The following PRMT7 variants were observed in gnomAD, a reference collection of about 807,000 sequenced individuals.
The protein encoded by PRMT7 is protein arginine N-methyltransferase 7.
In PRMT7, 75 loss-of-function variants were observed where a neutral mutation model predicts 85.4. The ratio of observed to expected loss-of-function variants is 0.88; its 90% confidence interval spans 0.73 to 1.06. The LOEUF is 1.06. Ranked by LOEUF, PRMT7 falls within the 50% of genes least tolerant of loss-of-function variation. The pLI, the probability that PRMT7 is intolerant of heterozygous loss-of-function variation, is 0.00. For synonymous variants in PRMT7, 397 were observed against 359.5 expected (o/e 1.10, Z -1.18); for missense variants, 868 against 915.2 (o/e 0.95, Z 0.67).
chr16:68,330,232 CTT>C (rs985011213), intron 6 of PRMT7, among the ~76,000 whole-genome samples: 5 of 152,120 alleles, frequency 3.3e-5, no homozygotes, highest in African/African-American at 1.2e-4. Context: ...TTGTTTCAGT[CTT>C]TGAAAATTTC....
chr16:68,319,711 AGTGTGTGT>A (rs369478826), intron 3 of PRMT7, among the ~76,000 whole-genome samples: 63 of 141,544 alleles, frequency 4.5e-4, no homozygotes, highest in African/African-American at 1.4e-3. Flanking sequence ...TAAGAGTGAG[AGTGTGTGT>A]GTGTGTGTGT....
At chr16:68,331,749 C>T (rs1378123148) in intron 6 of PRMT7, among the ~76,000 whole-genome samples, 1 of 152,222 alleles carries the variant, frequency 6.6e-6, no homozygotes, top group East Asian at 1.9e-4. Context: ...CCTAGGATTA[C>T]AGGCGTGGGC....
At chr16:68,346,123 GT>G (rs760593164) in intron 10 of PRMT7, 21 bp from the exon 11 acceptor site, 2 of 1,612,226 alleles carry the variant, frequency 1.2e-6, no homozygotes, top group Non-Finnish European at 1.7e-6. Context: ...GCCCACGTCT[GT>G]TTGTTCATCT....
intron 16 of PRMT7, 87 bp downstream of exon 16, chr16:68,353,653 C>A: frequency 7.6e-7 from 1 of 1,318,052 alleles, no homozygotes; most frequent in Non-Finnish European, 1.0e-6. Context: ...GCAGCACAGG[C>A]TCTTCTGTTG....
rs1187518416 is a variant in PRMT7, at chr16:68,355,850, C to T, written c.1778C>T (p.Pro593Leu). The T allele has an allele frequency of 3.1e-6, 5 of 1,607,418 alleles. No individual in the cohort carries two copies. Among genetic ancestry groups the T allele is most frequent in the Non-Finnish European group, 4.2e-6 (5 of 1,178,918 alleles). ...FDFQQPVPLQ[P>L]LCAEGTVELR... ...TTCCAGCAGCCGGTGCCCCTGCAGC[C>T]CCTGTGTGCCGAGGGCACCGTGGAG... Residue 593 changes from proline to leucine, a missense_variant, in exon 17 of 19, where the codon CCC (proline) becomes CTC (leucine). Coordinates refer to ENST00000441236, the MANE Select transcript of PRMT7 (RefSeq NM_019023.5).
rs1424620891 is a variant in PRMT7, at chr16:68,357,457, A to G, written c.*233A>G. ...ATTTGGAGCCCTGGAGGGGCTGGGA[A>G]GACCCCCCTGCTTGTGCTTCTGAGG... On this transcript the variant is annotated 3_prime_UTR_variant, in exon 19 of 19. Transcript: ENST00000441236. The G allele has an allele frequency of 1.9e-6, 1 of 514,136 alleles. No individual in the cohort carries two copies. Among genetic ancestry groups the G allele is most frequent in the Admixed American group, 3.8e-5 (1 of 26,242 alleles). 31.8% of individuals were successfully genotyped at this position (514,136 alleles called of 1,614,324 possible).
At chr16:68,352,827 C>CTAT (rs1597484207) in intron 15 of PRMT7, among the ~76,000 whole-genome samples, 2 of 152,280 alleles carry the variant, frequency 1.3e-5, no homozygotes, top group East Asian at 1.9e-4. Context: ...AAAGCAGAAC[C>CTAT]ATAGTCACAA....
intron 2 of PRMT7, among the ~76,000 whole-genome samples, chr16:68,313,042 C>G (rs1302490056): frequency 6.6e-6 from 1 of 152,152 alleles, no homozygotes; most frequent in Non-Finnish European, 1.5e-5. Flanking sequence ...CCAGGCTGGT[C>G]TCGAACTCCT....
intron 1 of PRMT7, 30 bp downstream of exon 1, chr16:68,311,129 G>A (rs1307930857): frequency 1.5e-6 from 1 of 680,978 alleles, no homozygotes; most frequent in Non-Finnish European, 2.7e-6. Context: ...GGGAAGGTGG[G>A]GTCGCTTTGG....
intron 12 of PRMT7, 130 bp from the exon 13 acceptor site, chr16:68,347,501 G>T: frequency 9.1e-7 from 1 of 1,102,648 alleles, no homozygotes; most frequent in East Asian, 2.4e-5. Context: ...CTGCCCCAGG[G>T]AGGGAATGAG....
chr16:68,341,461 GTGCAAT>G (rs2085520698), intron 9 of PRMT7, among the ~76,000 whole-genome samples: 1 of 152,198 alleles, frequency 6.6e-6, no homozygotes, highest in Non-Finnish European at 1.5e-5. Flanking sequence ...TCAGGCTGGA[GTGCAAT>G]GGCGCGATCT....
At chr16:68,339,631 C>T in intron 8 of PRMT7, 68 bp downstream of exon 8, 1 of 1,601,390 alleles carries the variant, frequency 6.2e-7, no homozygotes, top group Non-Finnish European at 8.5e-7. Context: ...TTAGGAGGTT[C>T]TTTTTGAGTG....
chr16:68,335,780 CTTTTT>C (rs771646295), intron 6 of PRMT7, among the ~76,000 whole-genome samples: 1 of 138,020 alleles, frequency 7.2e-6, no homozygotes, highest in African/African-American at 2.7e-5. Flanking sequence ...TGCTCTCTTT[CTTTTT>C]TTTTTTTTTT....
intron 5 of PRMT7, 79 bp from the exon 6 acceptor site, chr16:68,328,987 A>G: frequency 4.2e-6 from 4 of 947,270 alleles, no homozygotes; most frequent in Non-Finnish European, 6.7e-6. Flanking sequence ...GAATCAAGGA[A>G]TAGCTTGCTC....
intron 9 of PRMT7, among the ~76,000 whole-genome samples, chr16:68,343,069 A>C (rs907084699): frequency 4.6e-5 from 7 of 152,068 alleles, no homozygotes; most frequent in Non-Finnish European, 7.4e-5. Context: ...TTAGCCGGGC[A>C]TGGTGGCAGG....
chr16:68,345,606 T>C, intron 9 of PRMT7, 69 bp from the exon 10 acceptor site: 1 of 1,599,540 alleles, frequency 6.3e-7, no homozygotes, highest in Non-Finnish European at 8.5e-7. Flanking sequence ...TCTCTGGCAT[T>C]TGGCTCCTGG....
intron 14 of PRMT7, chr16:68,351,971 T>A (rs1041353090): frequency 3.2e-6 from 1 of 313,266 alleles, no homozygotes; most frequent in African/African-American, 2.2e-5. Context: ...CCTCTTCTGC[T>A]CTGCTCTCCT....
intron 5 of PRMT7, 25 bp downstream of exon 5, chr16:68,324,857 G>A (rs765272300): frequency 2.1e-5 from 34 of 1,611,838 alleles, no homozygotes; most frequent in Non-Finnish European, 2.6e-5. Context: ...TCAGGTGTGT[G>A]TCCTGCATCT....
chr16:68,326,034 AAATT>A (rs2083075430), intron 5 of PRMT7, among the ~76,000 whole-genome samples: 2 of 152,186 alleles, frequency 1.3e-5, no homozygotes, highest in African/African-American at 2.4e-5. Context: ...ACAAAATTAA[AAATT>A]AAACATGTTA....
Sources: allele counts gnomAD v4.1 joint callset (sites outside exome capture counted in the v4.1 genomes callset), GRCh38; gene constraint gnomAD v4.1.1; transcripts MANE v1.5; gene names NCBI Gene and HGNC (gene_info 2026-07-23, HGNC 2026-07-21).